Variants in SIAH3 observed in about 807,000 individuals in gnomAD.
SIAH3 encodes seven in absentia homolog 3.
A neutral mutation model predicts 12.6 loss-of-function variants in SIAH3; 9 were observed. The observed-to-expected ratio is 0.72, with a 90% CI of 0.43 to 1.25. The LOEUF (loss-of-function observed/expected upper bound fraction) is 1.25. Ranked by LOEUF, SIAH3 falls within the 50% of genes most tolerant of loss-of-function variation. The pLI is 0.00. For missense variants in SIAH3, 390 were observed against 365.4 expected, an observed-to-expected ratio of 1.07 and a Z score of -0.55; for synonymous variants, 154 against 151.1, an observed-to-expected ratio of 1.02 and a Z score of -0.14.
intron 1 of SIAH3, among the ~76,000 whole-genome samples, chr13:45,809,331 A>G (rs1185729827): frequency 3.1e-5 from 1 of 32,470 alleles, no homozygotes; most frequent in East Asian, 0.02. Flanking sequence ...CGTGCTAGAC[A>G]TGTTTTTGTG....
At chr13:45,834,095 T>C (rs1950709795) in intron 1 of SIAH3, among the ~76,000 whole-genome samples, 1 of 152,202 alleles carries the variant, frequency 6.6e-6, no homozygotes, top group African/African-American at 2.4e-5. Flanking sequence ...GAATTCTAAT[T>C]GGAAACTGCC....
intron 1 of SIAH3, among the ~76,000 whole-genome samples, chr13:45,844,273 A>G (rs1038624437): frequency 6.6e-6 from 1 of 152,200 alleles, no homozygotes; most frequent in South Asian, 2.1e-4. Context: ...TTAGTGTGTG[A>G]GTATGAGTGG....
Position 45,783,957 on chromosome 13 carries a change from T to TGGTGGTGGC in SIAH3, c.227_235dup (p.Arg76_His78dup), listed in dbSNP as rs746499194. On this transcript the variant is annotated inframe_insertion, in exon 2 of 2. Transcript: ENST00000400405. ...GGGGTGGGCGTGGTGGCGGAGGTGGTGGTGGTGGCGGTGGTGGCAGTGGTG... is the reference window on the plus strand; with the variant it reads ...GGGGTGGGCGTGGTGGCGGAGGTGGTGGTGGTGGCGGTGGTGGCGGTGGTGGCAGTGGTG... The TGGTGGTGGC allele has an allele frequency of 3.3e-5, 53 of 1,604,920 alleles. No homozygotes were observed. Among genetic ancestry groups the TGGTGGTGGC allele is most frequent in the Non-Finnish European group, 4.1e-5 (48 of 1,176,156 alleles).
chr13:45,823,590 G>A (rs1419499029), intron 1 of SIAH3, among the ~76,000 whole-genome samples: 1 of 152,142 alleles, frequency 6.6e-6, no homozygotes, highest in Non-Finnish European at 1.5e-5. Flanking sequence ...CAGCCCTAGA[G>A]AACTCCATCT....
chr13:45,792,303 A>C (rs972907584), intron 1 of SIAH3, among the ~76,000 whole-genome samples: 2 of 152,106 alleles, frequency 1.3e-5, no homozygotes, highest in Non-Finnish European at 2.9e-5. Context: ...TTAGGAAGAA[A>C]GTGAGACAGG....
chr13:45,821,600 G>A (rs1329164287), intron 1 of SIAH3, among the ~76,000 whole-genome samples: 1 of 152,194 alleles, frequency 6.6e-6, no homozygotes, highest in Non-Finnish European at 1.5e-5. Flanking sequence ...CTTCAAGGTG[G>A]AAAATCACCG....
Position 45,783,299 on chromosome 13 carries a change from A to T in SIAH3, c.*84T>A. ...AAAAAAAAAAAGAAAGGAGAAGAATAAAAAGGAGTCTGGAGTCCTGGTATT... is the reference window on the plus strand; with the variant it reads ...AAAAAAAAAAAGAAAGGAGAAGAATTAAAAGGAGTCTGGAGTCCTGGTATT... On this transcript the variant is annotated 3_prime_UTR_variant, in exon 2 of 2. Coordinates refer to ENST00000400405, the MANE Select transcript of SIAH3 (RefSeq NM_198849.3). 1 of 971,580 alleles carries T rather than the reference A, an allele frequency of 1.0e-6. No individual in the cohort carries two copies. Among genetic ancestry groups the T allele is most frequent in the East Asian group, 2.6e-5 (1 of 38,678 alleles). 60.2% of individuals were successfully genotyped at this position (971,580 alleles called of 1,614,324 possible). A position where few individuals can be genotyped will look rare whatever the true frequency, so the allele number is the denominator to read the frequency against.
chr13:45,801,524 T>C (rs1950582482), intron 1 of SIAH3, among the ~76,000 whole-genome samples: 1 of 152,208 alleles, frequency 6.6e-6, no homozygotes, highest in South Asian at 2.1e-4. Flanking sequence ...TTCCATGTCC[T>C]GGATATGTGA....
At chr13:45,838,440 C>T (rs1157863447) in intron 1 of SIAH3, among the ~76,000 whole-genome samples, 1 of 152,178 alleles carries the variant, frequency 6.6e-6, no homozygotes, top group Non-Finnish European at 1.5e-5. Context: ...TTCAATGAGG[C>T]AGCTTCTTGA....
At chr13:45,804,840 C>T (rs1372169345) in intron 1 of SIAH3, among the ~76,000 whole-genome samples, 1 of 151,924 alleles carries the variant, frequency 6.6e-6, no homozygotes, top group East Asian at 1.9e-4. Context: ...CCAAAAGGAT[C>T]CTAGAGATGA....
intron 1 of SIAH3, among the ~76,000 whole-genome samples, chr13:45,813,494 C>T (rs955827363): frequency 6.6e-6 from 1 of 152,234 alleles, no homozygotes; most frequent in Non-Finnish European, 1.5e-5. Flanking sequence ...TTCTTTCATT[C>T]ATCATCCATC....
intron 1 of SIAH3, among the ~76,000 whole-genome samples, chr13:45,842,995 G>A (rs943089960): frequency 7.7e-6 from 1 of 130,012 alleles, no homozygotes; most frequent in Middle Eastern, 4.3e-3. Flanking sequence ...CCACACAGGG[G>A]AGCATCTCAG....
chr13:45,807,965 T>A (rs1477519252), intron 1 of SIAH3, among the ~76,000 whole-genome samples: 1 of 152,274 alleles, frequency 6.6e-6, no homozygotes, highest in Non-Finnish European at 1.5e-5. Flanking sequence ...TATTTTATTA[T>A]ATTTTGCTAT....
chr13:45,823,337 G>A (rs1950663016), intron 1 of SIAH3, among the ~76,000 whole-genome samples: 2 of 152,162 alleles, frequency 1.3e-5, no homozygotes, highest in Non-Finnish European at 2.9e-5. Context: ...CGTGGCCAGA[G>A]CTGAAAACTG....
At chr13:45,838,499 G>C (rs1179635657) in intron 1 of SIAH3, among the ~76,000 whole-genome samples, 1 of 152,124 alleles carries the variant, frequency 6.6e-6, no homozygotes, top group Non-Finnish European at 1.5e-5. Context: ...CAGGGCACGG[G>C]GGTGGCAGAG....
intron 1 of SIAH3, among the ~76,000 whole-genome samples, chr13:45,838,816 G>A (rs529847502): frequency 6.6e-6 from 1 of 151,930 alleles, no homozygotes; most frequent in East Asian, 1.9e-4. Flanking sequence ...GCTTTCTAGG[G>A]TCAATGTGGA....
At chr13:45,809,493 G>A (rs868384454) in intron 1 of SIAH3, among the ~76,000 whole-genome samples, 6 of 152,168 alleles carry the variant, frequency 3.9e-5, no homozygotes, top group Admixed American at 6.5e-5. Flanking sequence ...AGTTTCAGTC[G>A]AGAATATCAA....
chr13:45,787,401 C>T (rs1263859403), intron 1 of SIAH3, among the ~76,000 whole-genome samples: 1 of 152,142 alleles, frequency 6.6e-6, no homozygotes, highest in Non-Finnish European at 1.5e-5. Flanking sequence ...GCTCCTTGTT[C>T]CTATCCTGCC....
intron 1 of SIAH3, among the ~76,000 whole-genome samples, chr13:45,812,066 C>T: frequency 6.6e-6 from 1 of 152,192 alleles, no homozygotes; most frequent in Non-Finnish European, 1.5e-5. Context: ...AGGATGCCGC[C>T]CAGCACCGGT....
Sources: gnomAD v4.1 joint callset for allele counts (sites outside exome capture counted in the v4.1 genomes callset) on GRCh38, gnomAD v4.1.1 for gene constraint, MANE v1.5 for transcripts, NCBI Gene and HGNC (gene_info 2026-07-23, HGNC 2026-07-21) for gene names.